The following PRR16 variants were observed in gnomAD, a reference collection of about 807,000 sequenced individuals.
PRR16 encodes the protein protein Largen.
A neutral mutation model predicts 18.2 loss-of-function variants in PRR16; 6 were observed. The observed-to-expected ratio is 0.33, with a 90% CI of 0.18 to 0.65. PRR16 has a LOEUF of 0.65. PRR16 is among the 30% of genes least tolerant of loss of function. The pLI is 0.74. For missense variants in PRR16, 412 were observed against 376.6 expected, an observed-to-expected ratio of 1.09 and a Z score of -0.78; for synonymous variants, 151 against 147.8, an observed-to-expected ratio of 1.02 and a Z score of -0.16.
chr5:120,676,612 A>G (rs1057326099), intron 1 of PRR16, among the ~76,000 whole-genome samples: 2 of 152,020 alleles, frequency 1.3e-5, no homozygotes, highest in African/African-American at 4.8e-5. Context: ...AAATAATACA[A>G]TTATGGTGCT....
Position 120,686,257 on chromosome 5 carries a change from C to G in PRR16, c.463C>G (p.Arg155Gly), listed in dbSNP as rs1297221880. The G allele has an allele frequency of 6.2e-7, 1 of 1,614,048 alleles. No individual in the cohort carries two copies. The highest frequency in any genetic ancestry group is 1.1e-5 in the South Asian group (1 of 91,078). Residue 155 changes from arginine to glycine, a missense_variant, in exon 2 of 2, where the codon CGA becomes GGA. Physicochemically the swap from Arg to Gly is moderately radical, Grantham distance 125 (BLOSUM62 -2). Coordinates refer to ENST00000407149, the MANE Select transcript of PRR16 (RefSeq NM_001300783.2). ...NPVKTNGTLLRNGGLPGGPNK... is the reference protein window; with the variant it reads ...NPVKTNGTLLGNGGLPGGPNK... Reference sequence around the variant, plus strand: ...TGTAAAAACCAATGGCACCCTTCTACGAAATGGAGGCTTACCAGGTGGACC... The same window carrying G: ...TGTAAAAACCAATGGCACCCTTCTAGGAAATGGAGGCTTACCAGGTGGACC...
chr5:120,786,872 A>T, the PRR16 span, among the ~76,000 whole-genome samples: 2 of 152,112 alleles, frequency 1.3e-5, no homozygotes, highest in African/African-American at 4.8e-5. Flanking sequence ...ATCTAGCATC[A>T]TTCACATTTT....
At chr5:120,525,554 A>T (rs1015114982) in intron 1 of PRR16, among the ~76,000 whole-genome samples, 11 of 151,936 alleles carry the variant, frequency 7.2e-5, no homozygotes, top group African/African-American at 2.7e-4. Flanking sequence ...ATGAATATAC[A>T]ATATTGACCT....
At chr5:120,749,674 A>G in the PRR16 span, among the ~76,000 whole-genome samples, 1 of 152,150 alleles carries the variant, frequency 6.6e-6, no homozygotes, top group Non-Finnish European at 1.5e-5. Flanking sequence ...ATTAATACCA[A>G]AACCTAGTTA....
chr5:120,656,939 G>A (rs551021650), intron 1 of PRR16, among the ~76,000 whole-genome samples: 1 of 152,052 alleles, frequency 6.6e-6, no homozygotes, highest in South Asian at 2.1e-4. Flanking sequence ...AATAAAAGAG[G>A]TTAGAATTTT....
chr5:120,781,828 G>C, the PRR16 span, among the ~76,000 whole-genome samples: 1 of 152,020 alleles, frequency 6.6e-6, no homozygotes, highest in Admixed American at 6.6e-5. Flanking sequence ...TTTTCTTAGG[G>C]AATTTCACCA....
At chr5:120,735,168 ATGT>A in the PRR16 span, among the ~76,000 whole-genome samples, 1 of 152,210 alleles carries the variant, frequency 6.6e-6, no homozygotes, top group Non-Finnish European at 1.5e-5. Context: ...AAGTTCATTC[ATGT>A]TGTACCACTT....
chr5:120,502,635 C>G (rs1250673613), intron 1 of PRR16, among the ~76,000 whole-genome samples: 1 of 152,110 alleles, frequency 6.6e-6, no homozygotes, highest in Non-Finnish European at 1.5e-5. Context: ...GGTTTAGATT[C>G]TAGCCCTGTT....
chr5:120,729,836 G>T, the PRR16 span, among the ~76,000 whole-genome samples: 14 of 152,068 alleles, frequency 9.2e-5, no homozygotes, highest in Non-Finnish European at 2.9e-5. Context: ...TGAAGGTTAA[G>T]ATGGGGAAAA....
chr5:120,643,821 A>T (rs532887037), intron 1 of PRR16, among the ~76,000 whole-genome samples: 7 of 152,230 alleles, frequency 4.6e-5, no homozygotes, highest in Admixed American at 1.3e-4. Context: ...CGTGGCCAAC[A>T]TGGTGAAACC....
At chr5:120,529,480 G>T (rs73266189) in intron 1 of PRR16, among the ~76,000 whole-genome samples, 3,819 of 152,062 alleles carry the variant, frequency 0.025, 58 homozygotes, top group Middle Eastern at 0.13. Context: ...AATCTGATTT[G>T]TCCTCTGTAA....
At chr5:120,754,899 T>G in the PRR16 span, among the ~76,000 whole-genome samples, 1 of 151,482 alleles carries the variant, frequency 6.6e-6, no homozygotes, top group African/African-American at 2.4e-5. Flanking sequence ...TGAAAATATT[T>G]TACTTGATAA....
the PRR16 span, among the ~76,000 whole-genome samples, chr5:120,767,602 C>T: frequency 7.2e-5 from 11 of 151,882 alleles, no homozygotes; most frequent in African/African-American, 2.4e-4. Context: ...CCTGAGAATA[C>T]AGAAATTACT....
At chr5:120,740,981 A>AT in the PRR16 span, among the ~76,000 whole-genome samples, 2 of 152,034 alleles carry the variant, frequency 1.3e-5, no homozygotes, top group Non-Finnish European at 2.9e-5. Context: ...CTATTAATAT[A>AT]TACCTCAATG....
the PRR16 span, among the ~76,000 whole-genome samples, chr5:120,698,338 A>G: frequency 6.6e-6 from 1 of 151,962 alleles, no homozygotes; most frequent in East Asian, 1.9e-4. Context: ...AAGAGAAGAA[A>G]AACAGGTATA....
chr5:120,703,031 G>T, the PRR16 span, among the ~76,000 whole-genome samples: 17 of 152,174 alleles, frequency 1.1e-4, no homozygotes, highest in African/African-American at 4.1e-4. Flanking sequence ...ATTTCACCTG[G>T]GTGCAGGCGG....
chr5:120,579,737 C>T (rs954507742), intron 1 of PRR16, among the ~76,000 whole-genome samples: 2 of 152,110 alleles, frequency 1.3e-5, no homozygotes, highest in Admixed American at 1.3e-4. Context: ...TCTTTAATTC[C>T]ATATGAAATT....
chr5:120,479,918 A>T (rs1433837868), intron 1 of PRR16, among the ~76,000 whole-genome samples: 1 of 152,202 alleles, frequency 6.6e-6, no homozygotes, highest in Non-Finnish European at 1.5e-5. Context: ...ATTACTTTCA[A>T]TAACTTTATG....
intron 1 of PRR16, among the ~76,000 whole-genome samples, chr5:120,562,806 T>A (rs938569377): frequency 1.4e-4 from 21 of 152,222 alleles, no homozygotes; most frequent in African/African-American, 5.1e-4. Context: ...ATCTGCTTTT[T>A]AACTTTGTTT....
Sources: gnomAD v4.1 joint callset for allele counts (sites outside exome capture counted in the v4.1 genomes callset) on GRCh38, gnomAD v4.1.1 for gene constraint, MANE v1.5 for transcripts, NCBI Gene and HGNC (gene_info 2026-07-23, HGNC 2026-07-21) for gene names.